Variants in P2RY8 observed in about 807,000 individuals in gnomAD.
P2RY8 encodes P2Y receptor family member 8.
A neutral mutation model predicts 10.0 loss-of-function variants in P2RY8; 6 were observed. The ratio of observed to expected loss-of-function variants is 0.60; its 90% CI spans 0.33 to 1.19. P2RY8 has a LOEUF of 1.19. Among genes scored for constraint, P2RY8 ranks in the 50% most tolerant of loss-of-function variants. The probability of loss-of-function intolerance (pLI) is 0.04; values close to 1 mark genes in which losing one functional copy is unlikely to be tolerated. For synonymous variants in P2RY8, 276 were observed against 252.5 expected (o/e 1.09, Z -0.88); for missense variants, 456 against 542.0 (o/e 0.84, Z 1.58).
chrX:1,496,471 T>TTC (rs1198946681), intron 1 of P2RY8, among the ~76,000 whole-genome samples: 1 of 151,944 alleles, frequency 6.6e-6, no homozygotes, highest in Non-Finnish European at 1.5e-5. Flanking sequence ...CTCAGAGGGT[T>TTC]TCTCTCTCTC....
At position 1,466,538 on chromosome X, in the gene P2RY8, G is replaced by A. The variant is rs1470425620; in HGVS notation, c.21C>T (p.Thr7=). ...TCTGCAGCGTCGCGTTGTCCGGGCC[G>A]GTGCTGTTCGGGACCTGCATCCTGG... MQVPNS[T]GPDNATLQML... Residue 7 remains threonine, a synonymous_variant, in exon 2 of 2, where the codon ACC becomes ACT. Coordinates refer to ENST00000381297, the MANE Select transcript of P2RY8 (RefSeq NM_178129.5). 5 of 1,607,512 alleles carry A rather than the reference G, an allele frequency of 3.1e-6. No homozygotes were observed. The highest frequency in any genetic ancestry group is 4.5e-5 in the East Asian group (2 of 44,846).
chrX:1,480,383 C>T (rs5948907), intron 1 of P2RY8, among the ~76,000 whole-genome samples: 80,630 of 147,096 alleles, frequency 0.55, 22,069 homozygotes, highest in South Asian at 0.66. Context: ...CTGCAGCTTG[C>T]GCTTCCCGGG....
chrX:1,473,777 G>GTGGGTGGATGGGAGGGTGGA (rs2091834108), intron 1 of P2RY8, among the ~76,000 whole-genome samples: 1 of 145,382 alleles, frequency 6.9e-6, no homozygotes, highest in Non-Finnish European at 1.5e-5. Flanking sequence ...AGATGGATGG[G>GTGGGTGGATGGGAGGGTGGA]TGGGTGGATG....
chrX:1,470,133 T>C (rs1192421492), intron 1 of P2RY8, among the ~76,000 whole-genome samples: 2 of 152,074 alleles, frequency 1.3e-5, no homozygotes, highest in East Asian at 3.8e-4. Flanking sequence ...CCGAGGCAGG[T>C]GGATCACCTG....
chrX:1,524,234 T>C (rs1389320724), intron 1 of P2RY8, among the ~76,000 whole-genome samples: 2 of 152,078 alleles, frequency 1.3e-5, no homozygotes, highest in Non-Finnish European at 2.9e-5. Context: ...TTGTACACAG[T>C]AGGCTTGTCA....
intron 1 of P2RY8, among the ~76,000 whole-genome samples, chrX:1,526,338 C>T (rs2092440085): frequency 6.6e-6 from 1 of 151,996 alleles, no homozygotes; most frequent in South Asian, 2.1e-4. Context: ...ATTCATTCAT[C>T]CATCCATCCA....
chrX:1,491,981 C>T (rs1286876871), intron 1 of P2RY8, among the ~76,000 whole-genome samples: 4 of 152,180 alleles, frequency 2.6e-5, no homozygotes, highest in Non-Finnish European at 5.9e-5. Flanking sequence ...ACGTTAGCCC[C>T]ACCGCCTCCC....
At chrX:1,468,232 TG>T (rs1260045412) in intron 1 of P2RY8, among the ~76,000 whole-genome samples, 2 of 152,226 alleles carry the variant, frequency 1.3e-5, no homozygotes, top group African/African-American at 2.4e-5. Context: ...GCAACACACC[TG>T]GGCTGGAATT....
chrX:1,480,490 A>G (rs2091922590), intron 1 of P2RY8, among the ~76,000 whole-genome samples: 2 of 139,516 alleles, frequency 1.4e-5, no homozygotes, highest in Non-Finnish European at 3.1e-5. Flanking sequence ...TGGCCTCAAG[A>G]GATCCTTCTG....
intron 1 of P2RY8, among the ~76,000 whole-genome samples, chrX:1,522,355 T>C (rs1414737698): frequency 6.6e-6 from 1 of 152,182 alleles, no homozygotes; most frequent in African/African-American, 2.4e-5. Context: ...CATGCCTCCG[T>C]GCAGCCAATA....
intron 1 of P2RY8, among the ~76,000 whole-genome samples, chrX:1,532,353 G>GTA (rs1302537640): frequency 1.3e-5 from 2 of 149,268 alleles, no homozygotes; most frequent in East Asian, 1.9e-4. Context: ...TATATGATGT[G>GTA]TATATATACA....
chrX:1,528,341 T>C (rs1438899777), intron 1 of P2RY8, among the ~76,000 whole-genome samples: 1 of 152,240 alleles, frequency 6.6e-6, no homozygotes, highest in Admixed American at 6.5e-5. Flanking sequence ...GGTATGCATG[T>C]GACAGGGCTC....
chrX:1,508,065 G>A (rs1177666629), intron 1 of P2RY8, among the ~76,000 whole-genome samples: 6 of 152,070 alleles, frequency 3.9e-5, no homozygotes, highest in Admixed American at 6.5e-5. Context: ...CTGTCCCCCC[G>A]ACGCCCTGTG....
intron 1 of P2RY8, among the ~76,000 whole-genome samples, chrX:1,525,919 T>A (rs1470252823): frequency 6.6e-6 from 1 of 152,182 alleles, no homozygotes; most frequent in African/African-American, 2.4e-5. Flanking sequence ...CATTCATCCA[T>A]CCATCCATCC....
intron 1 of P2RY8, among the ~76,000 whole-genome samples, chrX:1,492,221 A>G (rs1362112635): frequency 1.1e-4 from 17 of 152,100 alleles, no homozygotes; most frequent in African/African-American, 3.9e-4. Context: ...TGTGTGGCCA[A>G]AGCCTGTCAA....
intron 1 of P2RY8, among the ~76,000 whole-genome samples, chrX:1,507,424 G>A (rs1396041279): frequency 3.3e-5 from 5 of 152,100 alleles, no homozygotes; most frequent in African/African-American, 7.2e-5. Context: ...GAGTTGTCCC[G>A]GGAGACACGC....
rs192191463 is a variant in P2RY8 at position 1,495,353 on chromosome X, G to T, written c.-24-28771C>A. 1.1e-3 allele frequency among the ~76,000 whole-genome samples: 172 copies of T among 152,262 alleles called. 1 individual carries two copies. Among genetic ancestry groups the T allele is most frequent in the Admixed American group, 5.9e-3 (90 of 15,270 alleles). ...TGTATTTGGAGGTTACCTCTTTAAAGAGTTAACTACAGTAAAATGAGGTCA... is the reference window on the plus strand; with the variant it reads ...TGTATTTGGAGGTTACCTCTTTAAATAGTTAACTACAGTAAAATGAGGTCA... On this transcript the variant is annotated intron_variant, in intron 1 of 1. Transcript: ENST00000381297.
At chrX:1,522,408 G>A (rs1256155557) in intron 1 of P2RY8, among the ~76,000 whole-genome samples, 51 of 152,220 alleles carry the variant, frequency 3.4e-4, no homozygotes, top group Non-Finnish European at 4.6e-4. Context: ...TCCCACACAC[G>A]TGTGTATTGT....
chrX:1,493,881 T>C (rs2092091997), intron 1 of P2RY8, among the ~76,000 whole-genome samples: 1 of 151,946 alleles, frequency 6.6e-6, no homozygotes. Flanking sequence ...CGAGAGCTTG[T>C]GCAAATGGCA....
Sources: gnomAD v4.1 joint callset for allele counts (sites outside exome capture counted in the v4.1 genomes callset) on GRCh38, gnomAD v4.1.1 for gene constraint, MANE v1.5 for transcripts, NCBI Gene and HGNC (gene_info 2026-07-23, HGNC 2026-07-21) for gene names.